CECR2: variants seen among roughly 807,000 people sequenced by gnomAD.
CECR2 encodes the protein CECR2 histone acetyl-lysine reader, also known as chromatin remodeling regulator CECR2.
CECR2 carries 30 observed loss-of-function variants against 154.5 expected under a neutral mutation model. That is an observed-to-expected ratio of 0.19 (90% CI 0.15 to 0.26). CECR2 has a LOEUF of 0.26. Among genes scored for constraint, CECR2 ranks in the 10% least tolerant of loss-of-function variants. The pLI, the probability that CECR2 is intolerant of heterozygous loss-of-function variation, is 1.00. For synonymous variants in CECR2, 725 were observed against 683.7 expected (o/e 1.06, Z -0.94); for missense variants, 1,743 against 1,829.3 (o/e 0.95, Z 0.86).
intron 16 of CECR2, among the ~76,000 whole-genome samples, chr22:17,543,886 C>T (rs1182270459): frequency 6.6e-6 from 1 of 152,142 alleles, no homozygotes; most frequent in Non-Finnish European, 1.5e-5. Flanking sequence ...ATTCTCAGAA[C>T]AAGCCTTCGA....
At chr22:17,478,463 C>T (rs2146797531) in intron 2 of CECR2, among the ~76,000 whole-genome samples, 1 of 149,136 alleles carries the variant, frequency 6.7e-6, no homozygotes, top group Non-Finnish European at 1.5e-5. Context: ...TCACGCCATT[C>T]TCCTGCCTCA....
chr22:17,403,768 G>A (rs2053931951), intron 1 of CECR2, among the ~76,000 whole-genome samples: 1 of 151,954 alleles, frequency 6.6e-6, no homozygotes, highest in African/African-American at 2.4e-5. Context: ...ATATATTCTG[G>A]TTTTGCTTTT....
chr22:17,368,165 T>C (rs1601228715), upstream of CECR2, among the ~76,000 whole-genome samples: 1 of 151,694 alleles, frequency 6.6e-6, no homozygotes, highest in Admixed American at 6.6e-5. Context: ...AACAAGTTAT[T>C]ATCATAATAA....
At chr22:17,374,783 C>T (rs530099102) in intron 1 of CECR2, among the ~76,000 whole-genome samples, 2 of 152,298 alleles carry the variant, frequency 1.3e-5, no homozygotes, top group South Asian at 2.1e-4. Flanking sequence ...TCTCCTTAGC[C>T]GGCCTTAACC....
intron 1 of CECR2, among the ~76,000 whole-genome samples, chr22:17,361,508 CA>C (rs376041045): frequency 2.2e-4 from 31 of 141,688 alleles, no homozygotes; most frequent in Middle Eastern, 3.6e-3. Context: ...ACCCCCCACC[CA>C]AAAAAAAAAC....
chr22:17,502,097 A>ATTG (rs967927116), intron 5 of CECR2, among the ~76,000 whole-genome samples: 9 of 152,298 alleles, frequency 5.9e-5, no homozygotes, highest in African/African-American at 2.2e-4. Flanking sequence ...TGTTTCAGGG[A>ATTG]TACAAGTGAA....
chr22:17,370,314 G>A (rs1164809179), intron 1 of CECR2, among the ~76,000 whole-genome samples: 9 of 146,182 alleles, frequency 6.2e-5, no homozygotes, highest in African/African-American at 2.3e-4. Flanking sequence ...CGGCGGGGCC[G>A]GGCGCGGGGG....
upstream of CECR2, among the ~76,000 whole-genome samples, chr22:17,368,035 G>C (rs752587017): frequency 6.6e-6 from 1 of 152,158 alleles, no homozygotes; most frequent in Non-Finnish European, 1.5e-5. Context: ...AGTGGTGGGG[G>C]GCGGAGGAGA....
At chr22:17,383,496 A>G (rs965495991) in intron 1 of CECR2, among the ~76,000 whole-genome samples, 1 of 152,148 alleles carries the variant, frequency 6.6e-6, no homozygotes, top group Non-Finnish European at 1.5e-5. Context: ...ACCAGGAATA[A>G]TACATTGTGC....
chr22:17,497,387 T>TG lies in CECR2; in HGVS notation c.222-12dup. 1 of 1,606,306 alleles carries TG rather than the reference T, an allele frequency of 6.2e-7. No homozygotes were observed. The highest frequency in any genetic ancestry group is 8.5e-7 in the Non-Finnish European group (1 of 1,176,196). On this transcript the variant is annotated splice_polypyrimidine_tract_variant and intron_variant, in intron 2 of 18. Transcript: ENST00000262608. ...TTTTATATTAATGTATTTTTGTGTT[T>TG]GGGGCCCTGGTCTAGGCCTCAGACA...
At chr22:17,404,575 G>C (rs544574711) in intron 1 of CECR2, among the ~76,000 whole-genome samples, 1 of 137,324 alleles carries the variant, frequency 7.3e-6, no homozygotes, top group African/African-American at 2.9e-5. Context: ...GGGTTTCACC[G>C]TTTTAGCCGG....
intron 1 of CECR2, among the ~76,000 whole-genome samples, chr22:17,381,820 C>T (rs1208660568): frequency 6.6e-6 from 1 of 152,008 alleles, no homozygotes; most frequent in Non-Finnish European, 1.5e-5. Flanking sequence ...CTGGAGGAAG[C>T]ATCATGCTTC....
intron 9 of CECR2, among the ~76,000 whole-genome samples, chr22:17,534,318 G>C (rs1417214854): frequency 6.6e-6 from 1 of 152,120 alleles, no homozygotes; most frequent in Admixed American, 6.5e-5. Context: ...GGAGAGAACA[G>C]TGGTACCAGG....
chr22:17,489,101 A>AT (rs1162317890), intron 2 of CECR2, among the ~76,000 whole-genome samples: 3 of 148,514 alleles, frequency 2.0e-5, no homozygotes, highest in Non-Finnish European at 4.5e-5. Context: ...GCGCCAGCTA[A>AT]TTTTTTGTAT....
chr22:17,541,297 T>C (rs375665652), intron 14 of CECR2, among the ~76,000 whole-genome samples: 3 of 152,096 alleles, frequency 2.0e-5, no homozygotes, highest in East Asian at 3.9e-4. Flanking sequence ...CTACTAAAAA[T>C]ACAAAAATTA....
chr22:17,510,380 C>T (rs1210094110), intron 7 of CECR2, among the ~76,000 whole-genome samples: 6 of 151,498 alleles, frequency 4.0e-5, no homozygotes, highest in East Asian at 1.9e-4. Flanking sequence ...CAAGGTGGTA[C>T]GATTGTTTGA....
intron 1 of CECR2, among the ~76,000 whole-genome samples, chr22:17,370,275 G>A (rs2063039833): frequency 6.7e-6 from 1 of 150,020 alleles, no homozygotes; most frequent in East Asian, 2.0e-4. Context: ...CTCGCCGCCC[G>A]GTGCCATTGA....
chr22:17,499,750 T>C (rs2055701346), intron 4 of CECR2, among the ~76,000 whole-genome samples: 2 of 152,186 alleles, frequency 1.3e-5, no homozygotes, highest in South Asian at 4.1e-4. Context: ...AAATATACTT[T>C]TTTAATCTGA....
At chr22:17,422,716 TTC>T (rs911122352) in intron 1 of CECR2, among the ~76,000 whole-genome samples, 9 of 151,890 alleles carry the variant, frequency 5.9e-5, no homozygotes, top group African/African-American at 2.2e-4. Flanking sequence ...TCTTTTTTTT[TTC>T]CCTTTGGTTT....
Sources: gnomAD v4.1 joint callset for allele counts (sites outside exome capture counted in the v4.1 genomes callset) on GRCh38, gnomAD v4.1.1 for gene constraint, MANE v1.5 for transcripts, NCBI Gene and HGNC (gene_info 2026-07-23, HGNC 2026-07-21) for gene names.